CD2AP: variants seen among roughly 807,000 people sequenced by gnomAD.
CD2AP encodes the protein CD2-associated protein.
CD2AP carries 46 observed loss-of-function variants against 85.1 expected under a neutral mutation model. The observed-to-expected ratio is 0.54, with a 90% CI of 0.43 to 0.69. CD2AP has a LOEUF of 0.69. Ranked by LOEUF, CD2AP falls within the 30% of genes least tolerant of loss-of-function variation. CD2AP has a pLI of 0.00. For missense variants in CD2AP, 769 were observed against 729.5 expected (o/e 1.05, Z -0.62); for synonymous variants, 255 against 252.9 (o/e 1.01, Z -0.08).
intron 2 of CD2AP, among the ~76,000 whole-genome samples, chr6:47,508,609 G>A (rs781541666): frequency 6.9e-6 from 1 of 145,162 alleles, no homozygotes; most frequent in African/African-American, 2.6e-5. Context: ...GCAATAGCAC[G>A]ATTTTGGCTC....
chr6:47,518,504 A>G (rs1207749405), intron 2 of CD2AP, among the ~76,000 whole-genome samples: 3 of 152,238 alleles, frequency 2.0e-5, no homozygotes, highest in African/African-American at 7.2e-5. Flanking sequence ...GCTAAGAAGC[A>G]TTCCATTTTA....
intron 5 of CD2AP, among the ~76,000 whole-genome samples, chr6:47,566,975 TAAG>T (rs1377881750): frequency 6.6e-6 from 1 of 152,164 alleles, no homozygotes; most frequent in Non-Finnish European, 1.5e-5. Flanking sequence ...TCTTAGCTTT[TAAG>T]AAGATTAATG....
At position 47,625,703 on chromosome 6, in the gene CD2AP, T is replaced by C. The variant is rs1327621502; in HGVS notation, c.*1476T>C. ...ATATTTTTCCTTTAAATTTTAATCT[T>C]ATAATATAGAAATCTTATGTAAATG... On this transcript the variant is annotated 3_prime_UTR_variant, in exon 18 of 18. Coordinates refer to ENST00000359314, the MANE Select transcript of CD2AP (RefSeq NM_012120.3). 1 of 151,828 alleles carries C rather than the reference T, an allele frequency of 6.6e-6. No homozygotes were observed. Among genetic ancestry groups the C allele is most frequent in the Non-Finnish European group, 1.5e-5 (1 of 67,788 alleles). The allele number at this position is 151,828 out of a possible 1,614,324, so 9.4% of individuals were successfully genotyped here.
At chr6:47,500,259 A>G (rs981819844) in intron 1 of CD2AP, among the ~76,000 whole-genome samples, 1 of 152,160 alleles carries the variant, frequency 6.6e-6, no homozygotes, top group Non-Finnish European at 1.5e-5. Flanking sequence ...ACTGTGGTTG[A>G]TATAGAGATT....
At chr6:47,535,442 T>C (rs939934627) in intron 3 of CD2AP, among the ~76,000 whole-genome samples, 2 of 152,344 alleles carry the variant, frequency 1.3e-5, no homozygotes, top group Middle Eastern at 3.4e-3. Context: ...CTCAGTCTAT[T>C]ACTTTCATAA....
chr6:47,572,450 CCACTT>C (rs1768184164), intron 5 of CD2AP, among the ~76,000 whole-genome samples: 2 of 152,224 alleles, frequency 1.3e-5, no homozygotes, highest in African/African-American at 4.8e-5. Context: ...ACTGTCTTCT[CCACTT>C]CAGTCTTCTG....
chr6:47,528,178 C>A (rs1766778817), intron 2 of CD2AP, among the ~76,000 whole-genome samples: 1 of 152,046 alleles, frequency 6.6e-6, no homozygotes. Flanking sequence ...TAATTTACTA[C>A]TTCTTTTGGG....
chr6:47,567,662 G>A (rs561088893), intron 5 of CD2AP, among the ~76,000 whole-genome samples: 2 of 152,152 alleles, frequency 1.3e-5, no homozygotes, highest in Non-Finnish European at 2.9e-5. Context: ...ATCCCAAAAT[G>A]GCTAGGAAAT....
At position 47,533,670 on chromosome 6, in the gene CD2AP, A is replaced by G. The variant is rs142104493; in HGVS notation, c.234A>G (p.Val78=). The G allele has an allele frequency of 6.8e-6, 11 of 1,614,136 alleles. No homozygotes were observed. The African/African-American group carries it at 1.2e-4, about 18-fold the overall frequency. ...LPIKRERHGN[V]ASLVQRISTY... ...TCAAACGGGAAAGGCATGGGAATGT[A>G]GCAAGTCTTGTACAACGAATAAGCA... Residue 78 remains valine (V), a synonymous_variant, in exon 3 of 18, where the codon GTA becomes GTG. Coordinates refer to ENST00000359314, the MANE Select transcript of CD2AP (RefSeq NM_012120.3).
chr6:47,566,982 A>T (rs1768021549), intron 5 of CD2AP, among the ~76,000 whole-genome samples: 1 of 152,164 alleles, frequency 6.6e-6, no homozygotes, highest in African/African-American at 2.4e-5. Context: ...TTTTAAGAAG[A>T]TTAATGTCAC....
chr6:47,568,943 G>A (rs1768075045), intron 5 of CD2AP, among the ~76,000 whole-genome samples: 1 of 152,102 alleles, frequency 6.6e-6, no homozygotes, highest in African/African-American at 2.4e-5. Flanking sequence ...TGAGAGTGTG[G>A]TAGTCAGTCA....
At chr6:47,561,891 C>G (rs1767872655) in intron 5 of CD2AP, among the ~76,000 whole-genome samples, 1 of 152,154 alleles carries the variant, frequency 6.6e-6, no homozygotes, top group Non-Finnish European at 1.5e-5. Context: ...CGTCATTCTC[C>G]TGCGTCAACC....
intron 11 of CD2AP, among the ~76,000 whole-genome samples, chr6:47,594,426 A>G (rs1768882661): frequency 6.6e-6 from 1 of 151,956 alleles, no homozygotes; most frequent in South Asian, 2.1e-4. Flanking sequence ...ATTTCCATGT[A>G]TTCTTTTTTT....
In CD2AP at chr6:47,561,932, C is replaced by T. The variant is rs181380579; in HGVS notation, c.541+7166C>T. 1.1e-4 allele frequency among the ~76,000 whole-genome samples: 17 copies of T among 152,246 alleles called. No homozygotes were observed. The East Asian group carries it at 3.3e-3, about 29-fold the overall frequency. ...AGTAGGCGCCCACCACCACACCCAG[C>T]TAATTTTTTTGTATTTTTAGTAGTT... On this transcript the variant is annotated intron_variant, in intron 5 of 17. Coordinates refer to ENST00000359314, the MANE Select transcript of CD2AP (RefSeq NM_012120.3).
chr6:47,600,765 G>A (rs1769106878), intron 13 of CD2AP, among the ~76,000 whole-genome samples: 1 of 151,858 alleles, frequency 6.6e-6, no homozygotes, highest in Non-Finnish European at 1.5e-5. Context: ...AATTTGATCA[G>A]TTCATATTGT....
chr6:47,507,178 A>G lies in CD2AP; in HGVS notation c.165+3738A>G, dbSNP rs528827618. Among the ~76,000 whole-genome samples, 60 of 152,264 alleles carry G rather than the reference A, an allele frequency of 3.9e-4. No individual in the cohort carries two copies. The South Asian group carries it at 0.012, about 29-fold the overall frequency. On this transcript the variant is annotated intron_variant, in intron 2 of 17. Transcript: ENST00000359314. ...CATGTTTTATCACAAGGTTGCAATA[A>G]TTCAGTCACATCTTTATGCTTCACT...
At position 47,606,235 on chromosome 6, in the gene CD2AP, G is replaced by A. The variant is rs143297472; in HGVS notation, c.1488G>A (p.Met496Ile). 2.8e-4 allele frequency: 455 copies of A among 1,611,828 alleles called. 1 individual carries two copies. The highest frequency in any genetic ancestry group is 3.6e-4 in the Non-Finnish European group (426 of 1,178,222). Residue 496 changes from methionine to isoleucine, a missense_variant, in exon 14 of 18, where the codon ATG becomes ATA. Physicochemically the swap from Met to Ile is conservative, Grantham distance 10. Transcript: ENST00000359314. ...ATCTCACTGCAAATAGACCAAAGAT[G>A]CCTGGAAGAAGGTTGCCGGGCCGTT... is the stretch of plus-strand genomic sequence containing the variant. Reference protein sequence around the residue: ...LLHLTANRPKMPGRRLPGRFN... With the variant: ...LLHLTANRPKIPGRRLPGRFN...
At chr6:47,570,615 TA>T (rs35193274) in intron 5 of CD2AP, among the ~76,000 whole-genome samples, 132,912 of 151,994 alleles carry the variant, frequency 0.87, 58,426 homozygotes, top group Non-Finnish European at 0.92. Flanking sequence ...CTCTGTCACT[TA>T]ATGGTTCTCA....
intron 1 of CD2AP, among the ~76,000 whole-genome samples, chr6:47,499,441 TCA>T (rs906563456): frequency 6.6e-6 from 1 of 152,202 alleles, no homozygotes; most frequent in African/African-American, 2.4e-5. Flanking sequence ...CAAATCAGTA[TCA>T]CAGGATTGAA....
Sources: gnomAD v4.1 joint callset for allele counts (sites outside exome capture counted in the v4.1 genomes callset) on GRCh38, gnomAD v4.1.1 for gene constraint, MANE v1.5 for transcripts, NCBI Gene and HGNC (gene_info 2026-07-23, HGNC 2026-07-21) for gene names.